GSDMD: variants seen among roughly 807,000 people sequenced by gnomAD.
GSDMD encodes gasdermin-D.
In GSDMD, 46 loss-of-function variants were observed where a neutral mutation model predicts 46.7. The observed-to-expected ratio is 0.99, with a 90% CI of 0.78 to 1.26. The LOEUF (loss-of-function observed/expected upper bound fraction) is 1.26, where lower values mean the gene tolerates loss of function less well. Among genes scored for constraint, GSDMD ranks in the 50% most tolerant of loss-of-function variants. GSDMD has a pLI of 0.00. For missense variants in GSDMD, 649 were observed against 638.8 expected, an observed-to-expected ratio of 1.02 and a Z score of -0.17; for synonymous variants, 307 against 283.1, an observed-to-expected ratio of 1.08 and a Z score of -0.85.
Position 143,562,349 on chromosome 8 carries a change from C to A in GSDMD, c.1137C>A (p.Thr379=). ...IPVVYLLGAL[T]MLSETQHKLL... The stretch of plus-strand genomic sequence containing the variant: ...TTGTCTACCTGCTGGGGGCACTGAC[C>A]AGTGAGCGGCCGCTGGGGGCAGGTG... Residue 379 remains threonine (T), a splice_region_variant and synonymous_variant, in exon 9 of 11, where the codon ACC becomes ACA. Transcript: ENST00000262580. 3.8e-6 allele frequency: 5 copies of A among 1,323,992 alleles called. No homozygotes were observed. The highest frequency in any genetic ancestry group is 4.9e-6 in the Non-Finnish European group (5 of 1,010,290). 82.0% of individuals were successfully genotyped at this position (1,323,992 alleles called of 1,614,324 possible). A position where few individuals can be genotyped will look rare whatever the true frequency, so the allele number is the denominator to read the frequency against.
rs1184079507 is a variant in GSDMD, at chr8:143,562,727, G to T, written c.1278G>T (p.Gly426=). 2 of 1,591,356 alleles carry T rather than the reference G, an allele frequency of 1.3e-6. No homozygotes were observed. Among genetic ancestry groups the T allele is most frequent in the African/African-American group, 2.7e-5 (2 of 74,328 alleles). ...GCAGCACCATGTCCCTGCCCCCCGG[G>T]CTCCTGGGGAACAGCTGGGGCGAAG... ...QERSTMSLPP[G]LLGNSWGEGA... Residue 426 remains glycine, a synonymous_variant, in exon 11 of 11, where the codon GGG becomes GGT. Coordinates refer to ENST00000262580, the MANE Select transcript of GSDMD (RefSeq NM_024736.7).
At chr8:143,554,783 C>T (rs1349877845), upstream of GSDMD, among the ~76,000 whole-genome samples, 1 of 152,260 alleles carries the variant, frequency 6.6e-6, no homozygotes, top group Non-Finnish European at 1.5e-5. Context: ...ACAACATGCA[C>T]GTGCATACAC....
Position 143,562,934 on chromosome 8 carries a change from C to G in GSDMD, c.*30C>G. The G allele has an allele frequency of 6.2e-7, 1 of 1,610,634 alleles. No individual in the cohort carries two copies. Among genetic ancestry groups the G allele is most frequent in the Non-Finnish European group, 8.5e-7 (1 of 1,179,800 alleles). On this transcript the variant is annotated 3_prime_UTR_variant, in exon 11 of 11. Coordinates refer to ENST00000262580, the MANE Select transcript of GSDMD (RefSeq NM_024736.7). Reference sequence around the variant, plus strand: ...TGCCCGGGCATGGCCTGGCAGCTCTCCAGCAGGGCAGAGTGTTTGCCCACC... The same window carrying G: ...TGCCCGGGCATGGCCTGGCAGCTCTGCAGCAGGGCAGAGTGTTTGCCCACC...
chr8:143,560,397 T>C, intron 3 of GSDMD: 1 of 633,996 alleles, frequency 1.6e-6, no homozygotes, highest in Non-Finnish European at 2.8e-6. Flanking sequence ...GCACCTCGAG[T>C]CTGGACTTGG....
At chr8:143,561,300 TAGGGG>T in intron 5 of GSDMD, 65 bp from the exon 6 acceptor site, 2 of 1,446,556 alleles carry the variant, frequency 1.4e-6, no homozygotes, top group East Asian at 2.4e-5. Context: ...GAGCTCCTAG[TAGGGG>T]AGGGGAGGGG....
chr8:143,559,280 T>TGGGG, intron 1 of GSDMD, 52 bp from the exon 2 acceptor site: 1 of 579,430 alleles, frequency 1.7e-6, no homozygotes. Context: ...CTTCTCCCAC[T>TGGGG]CCCTCCCGCC....
rs548203699 is a variant in GSDMD at position 143,560,806 on chromosome 8, C to T, written c.579+35C>T. ...CAGCCCCGGGCCACGCCTGGCCCCC[C>T]ACGTGGGCATGCGGCGGCGGGTGAC... On this transcript the variant is annotated intron_variant, in intron 4 of 10. Coordinates refer to ENST00000262580, the MANE Select transcript of GSDMD (RefSeq NM_024736.7). The T allele has an allele frequency of 5.4e-6, 8 of 1,485,594 alleles. No homozygotes were observed. The Admixed American group carries it at 1.0e-4, about 19-fold the overall frequency. 92.0% of individuals were successfully genotyped at this position (1,485,594 alleles called of 1,614,324 possible).
upstream of GSDMD, among the ~76,000 whole-genome samples, chr8:143,557,331 CTA>C (rs1823320294): frequency 2.4e-5 from 1 of 41,056 alleles, no homozygotes; most frequent in Non-Finnish European, 5.5e-5. Context: ...GATGCTGCCG[CTA>C]TGGTGAAGGA....
chr8:143,555,382 T>C (rs1823282303), upstream of GSDMD, among the ~76,000 whole-genome samples: 1 of 152,190 alleles, frequency 6.6e-6, no homozygotes, highest in Non-Finnish European at 1.5e-5. Context: ...GCAACATCCC[T>C]GCCCTGGACA....
chr8:143,557,291 A>G (rs73715674), upstream of GSDMD, among the ~76,000 whole-genome samples: 26 of 101,796 alleles, frequency 2.6e-4, no homozygotes, highest in Non-Finnish European at 6.3e-5. Flanking sequence ...CCTTGCCGCT[A>G]TGGCGAAGGA....
Position 143,558,413 on chromosome 8 carries a change from C to T in GSDMD, c.-43C>T, listed in dbSNP as rs1586993229. On this transcript the variant is annotated 5_prime_UTR_variant, in exon 1 of 11. The change creates a new upstream start codon in the 5' untranslated region. Transcript: ENST00000262580. Reference sequence around the variant, plus strand: ...CCGGACGGCTCCCAGGGAGAGCAGACGCGCCAGACGCGCCACCCTCGGGGC... The same window carrying T: ...CCGGACGGCTCCCAGGGAGAGCAGATGCGCCAGACGCGCCACCCTCGGGGC... 8 of 1,507,536 alleles carry T rather than the reference C, an allele frequency of 5.3e-6. No individual in the cohort carries two copies. Among genetic ancestry groups the T allele is most frequent in the Middle Eastern group, 3.4e-4 (2 of 5,892 alleles). The allele number at this position is 1,507,536 out of a possible 1,614,324, so 93.4% of individuals were successfully genotyped here.
In GSDMD at chr8:143,561,033, A is replaced by C. The variant is rs748202059; in HGVS notation, c.611A>C (p.Lys204Thr). 6.2e-7 allele frequency: 1 copy of C among 1,613,038 alleles called. No homozygotes were observed. Among genetic ancestry groups the C allele is most frequent in the South Asian group, 1.1e-5 (1 of 91,088 alleles). ...GEGQGHLSQK[K>T]TVTIPSGSTL... is the part of the protein sequence containing the mutation. ...GGCCAGGGCCATCTGAGCCAGAAGA[A>C]GACGGTCACCATCCCCTCAGGCAGC... The change falls in exon 5 of 11, where the codon AAG (lysine) becomes ACG (threonine). Residue 204 changes from lysine (K) to threonine (T), a missense_variant. Lys to Thr is a moderately conservative substitution (Grantham distance 78). Coordinates refer to ENST00000262580, the MANE Select transcript of GSDMD (RefSeq NM_024736.7).
upstream of GSDMD, chr8:143,555,189 A>G (rs894955795): frequency 2.0e-5 from 3 of 152,260 alleles, no homozygotes; most frequent in African/African-American, 7.2e-5. Context: ...AAAATCACCT[A>G]GCAGCAGGTG....
rs748597648 is a variant in GSDMD at position 143,560,691 on chromosome 8, CAGA to C, written c.502_504del (p.Lys168del). The C allele has an allele frequency of 1.9e-6, 3 of 1,585,482 alleles. No individual in the cohort carries two copies. The highest frequency in any genetic ancestry group is 2.6e-6 in the Non-Finnish European group (3 of 1,166,016). ...CGTGGTGACTGAGGTGCTGCAGACA[CAGA>C]AGGAGGTGGAAGTCACGCGCACCCA... On this transcript the variant is annotated inframe_deletion, in exon 4 of 11. Coordinates refer to ENST00000262580, the MANE Select transcript of GSDMD (RefSeq NM_024736.7).
intron 5 of GSDMD, 90 bp from the exon 6 acceptor site, chr8:143,561,280 C>T: frequency 7.5e-7 from 1 of 1,330,792 alleles, no homozygotes; most frequent in Non-Finnish European, 1.0e-6. Context: ...AGGGCCTGAG[C>T]TGGACAGGGG....
upstream of GSDMD, among the ~76,000 whole-genome samples, chr8:143,554,617 T>G (rs1823268426): frequency 7.6e-6 from 1 of 132,214 alleles, no homozygotes; most frequent in Admixed American, 7.7e-5. Flanking sequence ...CACACAACAC[T>G]CAGGTGCATA....
chr8:143,560,288 G>GCAT, intron 3 of GSDMD: 1 of 687,580 alleles, frequency 1.5e-6, no homozygotes, highest in South Asian at 1.5e-5. Flanking sequence ...GTCATCTGGG[G>GCAT]CCTCCGCTGC....
upstream of GSDMD, among the ~76,000 whole-genome samples, chr8:143,557,430 C>G (rs77259924): frequency 6.6e-6 from 1 of 151,148 alleles, no homozygotes; most frequent in Admixed American, 6.6e-5. Flanking sequence ...GCGAAGGATG[C>G]TGCCGCTGTG....
Position 143,559,518 on chromosome 8 carries a change from C to G in GSDMD, c.183C>G (p.Ile61Met). 6.2e-7 allele frequency: 1 copy of G among 1,612,830 alleles called. No homozygotes were observed. Residue 61 changes from isoleucine (I) to methionine (M), a missense_variant, in exon 2 of 11, where the codon ATC (isoleucine) becomes ATG (methionine). Coordinates refer to ENST00000262580, the MANE Select transcript of GSDMD (RefSeq NM_024736.7). ...GTTATAAGTGTGTCAACCTGTCTAT[C>G]AAGGACATCCTGGAGCCGGATGCCG... ...KPRYKCVNLS[I>M]KDILEPDAAE...
Sources: gnomAD v4.1 joint callset for allele counts (sites outside exome capture counted in the v4.1 genomes callset) on GRCh38, gnomAD v4.1.1 for gene constraint, MANE v1.5 for transcripts, NCBI Gene and HGNC (gene_info 2026-07-23, HGNC 2026-07-21) for gene names.